The following BAZ1A variants were observed in gnomAD, a reference collection of about 807,000 sequenced individuals.
BAZ1A encodes the protein bromodomain adjacent to zinc finger domain 1A, also known as bromodomain adjacent to zinc finger domain protein 1A.
A neutral mutation model predicts 185.2 loss-of-function variants in BAZ1A; 50 were observed. The ratio of observed to expected loss-of-function variants is 0.27; its 90% CI spans 0.22 to 0.34. The LOEUF is 0.34. Among genes scored for constraint, BAZ1A ranks in the 10% least tolerant of loss-of-function variants. The probability of loss-of-function intolerance (pLI) is 1.00; values close to 1 mark genes in which losing one functional copy is unlikely to be tolerated. For synonymous variants in BAZ1A, 571 were observed against 615.6 expected (o/e 0.93, Z 1.07); for missense variants, 1,356 against 1,839.9 (o/e 0.74, Z 4.81).
At chr14:34,842,757 G>C (rs559467580) in intron 3 of BAZ1A, among the ~76,000 whole-genome samples, 1 of 152,118 alleles carries the variant, frequency 6.6e-6, no homozygotes, top group Non-Finnish European at 1.5e-5. Flanking sequence ...CTCTGGTTCT[G>C]ATACTGCCTG....
intron 3 of BAZ1A, among the ~76,000 whole-genome samples, chr14:34,861,829 C>G (rs1012567441): frequency 6.6e-6 from 1 of 152,114 alleles, no homozygotes; most frequent in Non-Finnish European, 1.5e-5. Context: ...TATACACATA[C>G]AGACGCATGC....
At chr14:34,817,786 A>T (rs2042029054) in intron 4 of BAZ1A, among the ~76,000 whole-genome samples, 1 of 152,236 alleles carries the variant, frequency 6.6e-6, no homozygotes, top group Non-Finnish European at 1.5e-5. Flanking sequence ...AAACCATGAG[A>T]TACCATTTTA....
intron 3 of BAZ1A, among the ~76,000 whole-genome samples, chr14:34,838,416 A>G (rs1394722809): frequency 6.6e-6 from 1 of 152,194 alleles, no homozygotes; most frequent in East Asian, 1.9e-4. Flanking sequence ...GAGCAATATG[A>G]GAGAGCCCTG....
Position 34,801,097 on chromosome 14 carries a change from G to A in BAZ1A, c.958C>T (p.Leu320=). The change falls in exon 8 of 27, where the codon CTG becomes TTG. Residue 320 remains leucine, a synonymous_variant. Coordinates refer to ENST00000360310, the MANE Select transcript of BAZ1A (RefSeq NM_013448.3). The part of the protein sequence containing the change: ...KLLKQEEMKS[L]AFEKAKLKRE... ...TGGAAACAATGTTAAAACTCACCCAGTGACTTCATTTCTTCTTGTTTCAAA... is the reference window on the plus strand; with the variant it reads ...TGGAAACAATGTTAAAACTCACCCAATGACTTCATTTCTTCTTGTTTCAAA... 6.3e-7 allele frequency: 1 copy of A among 1,587,682 alleles called. No individual in the cohort carries two copies. The highest frequency in any genetic ancestry group is 8.6e-7 in the Non-Finnish European group (1 of 1,167,824).
intron 21 of BAZ1A, among the ~76,000 whole-genome samples, chr14:34,769,107 ATAT>A (rs1265495894): frequency 6.6e-6 from 1 of 152,148 alleles, no homozygotes; most frequent in African/African-American, 2.4e-5. Context: ...CTATCCTGAA[ATAT>A]TATCAGGTGA....
At chr14:34,856,888 T>A (rs1290432645) in intron 3 of BAZ1A, among the ~76,000 whole-genome samples, 1 of 147,444 alleles carries the variant, frequency 6.8e-6, no homozygotes, top group Non-Finnish European at 1.5e-5. Context: ...AAGTCACTTA[T>A]GAGTAACACA....
chr14:34,803,011 G>A (rs560090765), intron 6 of BAZ1A, 23 bp from the exon 7 acceptor site: 6 of 1,589,090 alleles, frequency 3.8e-6, no homozygotes, highest in Middle Eastern at 1.7e-4. Context: ...AAGACATAGG[G>A]TACAATAATA....
rs959628291 is a variant in BAZ1A, at chr14:34,847,680, G to A, written c.392+14364C>T. 9.9e-5 allele frequency among the ~76,000 whole-genome samples: 15 copies of A among 151,976 alleles called. No individual in the cohort carries two copies. The South Asian group carries it at 1.2e-3, about 13-fold the overall frequency. ...TTGAATCTTTTATGTTCATCTTACC[G>A]CATCAATATATTTAGCAGCTCTCTT... On this transcript the variant is annotated intron_variant, in intron 3 of 26. Coordinates refer to ENST00000360310, the MANE Select transcript of BAZ1A (RefSeq NM_013448.3).
chr14:34,851,577 G>A (rs1016543042), intron 3 of BAZ1A, among the ~76,000 whole-genome samples: 1 of 151,978 alleles, frequency 6.6e-6, no homozygotes, highest in Non-Finnish European at 1.5e-5. Flanking sequence ...GACAGAAGAT[G>A]GGTGAATCAT....
intron 3 of BAZ1A, among the ~76,000 whole-genome samples, chr14:34,839,064 A>C (rs1280116480): frequency 6.6e-6 from 1 of 152,186 alleles, no homozygotes; most frequent in East Asian, 1.9e-4. Flanking sequence ...AAAGTCCAGA[A>C]ATAGGCTATA....
intron 6 of BAZ1A, among the ~76,000 whole-genome samples, chr14:34,804,076 C>T (rs1030673317): frequency 3.9e-5 from 6 of 152,188 alleles, no homozygotes; most frequent in East Asian, 3.9e-4. Flanking sequence ...GGCATGATCT[C>T]GGCTCACTGC....
At chr14:34,825,214 G>T (rs2042148750) in intron 4 of BAZ1A, among the ~76,000 whole-genome samples, 2 of 152,150 alleles carry the variant, frequency 1.3e-5, no homozygotes, top group African/African-American at 4.8e-5. Flanking sequence ...AACATTTTGG[G>T]AGGCCAAGGT....
intron 3 of BAZ1A, among the ~76,000 whole-genome samples, chr14:34,857,525 A>G (rs1196955203): frequency 6.6e-6 from 1 of 152,100 alleles, no homozygotes; most frequent in East Asian, 1.9e-4. Flanking sequence ...ATCATCCATG[A>G]TTTCTCCTTT....
intron 3 of BAZ1A, among the ~76,000 whole-genome samples, chr14:34,826,955 C>A (rs957347674): frequency 2.7e-4 from 41 of 152,090 alleles, no homozygotes; most frequent in Non-Finnish European, 5.6e-4. Context: ...CAAATTCATT[C>A]GATTTCTGGA....
chr14:34,778,394 G>C (rs755042167), intron 17 of BAZ1A, among the ~76,000 whole-genome samples: 1 of 152,182 alleles, frequency 6.6e-6, no homozygotes, highest in Non-Finnish European at 1.5e-5. Flanking sequence ...TGTTGTTTCA[G>C]TTACTGTCAA....
At chr14:34,778,581 T>C (rs758553491) in intron 17 of BAZ1A, among the ~76,000 whole-genome samples, 1 of 152,220 alleles carries the variant, frequency 6.6e-6, no homozygotes. Context: ...TCTTTAATGG[T>C]TTAAGACCAT....
intron 12 of BAZ1A, among the ~76,000 whole-genome samples, chr14:34,787,438 A>G (rs978481833): frequency 6.6e-6 from 1 of 151,480 alleles, no homozygotes; most frequent in South Asian, 2.1e-4. Flanking sequence ...TAATCCCAGC[A>G]CTTTGGGAGG....
At chr14:34,865,117 A>G (rs990600999) in intron 2 of BAZ1A, among the ~76,000 whole-genome samples, 3 of 152,124 alleles carry the variant, frequency 2.0e-5, no homozygotes, top group African/African-American at 7.2e-5. Context: ...CTGTGGTAGC[A>G]TGAGCCTGTA....
At chr14:34,839,891 T>C (rs1268744822) in intron 3 of BAZ1A, among the ~76,000 whole-genome samples, 1 of 136,048 alleles carries the variant, frequency 7.4e-6, no homozygotes, top group African/African-American at 2.7e-5. Flanking sequence ...TTAAAATTAA[T>C]TTTTTAAAAA....
Sources: allele counts gnomAD v4.1 joint callset (sites outside exome capture counted in the v4.1 genomes callset), GRCh38; gene constraint gnomAD v4.1.1; transcripts MANE v1.5; gene names NCBI Gene and HGNC (gene_info 2026-07-23, HGNC 2026-07-21).